RAB6A: variants seen among roughly 807,000 people sequenced by gnomAD.
RAB6A encodes ras-related protein Rab-6A.
In RAB6A, 8 loss-of-function variants were observed where a neutral mutation model predicts 32.3. That is an observed-to-expected ratio of 0.25 (90% CI 0.15 to 0.45). RAB6A has a LOEUF of 0.45. Ranked by LOEUF, RAB6A falls within the 20% of genes least tolerant of loss-of-function variation. The probability of loss-of-function intolerance (pLI) is 1.00; values close to 1 mark genes in which losing one functional copy is unlikely to be tolerated. For synonymous variants in RAB6A, 73 were observed against 82.1 expected (o/e 0.89, Z 0.60); for missense variants, 104 against 249.4 (o/e 0.42, Z 3.93).
In RAB6A at chr11:73,679,725, G is replaced by A. The variant is rs778174762; in HGVS notation, c.496-5C>T. ...TGCTGCTACACGTCGAAAGAGCTGT[G>A]GGAAAGAGAGAAAAGTGATAACTGA... On this transcript the variant is annotated splice_polypyrimidine_tract_variant and splice_region_variant and intron_variant, in intron 6 of 7. Transcript: ENST00000336083. 1.3e-6 allele frequency: 2 copies of A among 1,574,492 alleles called. No homozygotes were observed. The highest frequency in any genetic ancestry group is 1.7e-6 in the Non-Finnish European group (2 of 1,157,250).
At chr11:73,745,459 C>T (rs4944865) in intron 1 of RAB6A, among the ~76,000 whole-genome samples, 138,502 of 152,214 alleles carry the variant, frequency 0.91, 63,235 homozygotes, top group East Asian at 1. Flanking sequence ...GAAATAGAGA[C>T]ACAGGCCGGG....
chr11:73,683,223 T>C (rs1436413259), intron 6 of RAB6A, among the ~76,000 whole-genome samples: 2 of 151,252 alleles, frequency 1.3e-5, no homozygotes, highest in Non-Finnish European at 2.9e-5. Flanking sequence ...ATACAGAAAT[T>C]CACTGCATAA....
chr11:73,747,207 C>T (rs1052287847), intron 1 of RAB6A, among the ~76,000 whole-genome samples: 17 of 143,284 alleles, frequency 1.2e-4, no homozygotes, highest in African/African-American at 4.2e-4. Flanking sequence ...ACAAAATCTT[C>T]CTTTTTTTTT....
At chr11:73,745,360 A>C (rs1946570796) in intron 1 of RAB6A, among the ~76,000 whole-genome samples, 1 of 152,236 alleles carries the variant, frequency 6.6e-6, no homozygotes, top group South Asian at 2.1e-4. Context: ...TAGGCAGTTA[A>C]TGTGGTCCAG....
At chr11:73,722,521 G>A (rs1185955143) in intron 2 of RAB6A, 1 of 150,648 alleles carries the variant, frequency 6.6e-6, no homozygotes, top group African/African-American at 2.4e-5. Context: ...TTTTTATAGA[G>A]ACAGGGTTTT....
At chr11:73,745,676 T>C (rs540957956) in intron 1 of RAB6A, among the ~76,000 whole-genome samples, 131 of 151,866 alleles carry the variant, frequency 8.6e-4, no homozygotes, top group African/African-American at 3.0e-3. Context: ...ACTAAAAATA[T>C]AAAAACTTAG....
At chr11:73,720,823 T>C in intron 3 of RAB6A, 23 bp downstream of exon 3, 2 of 1,578,398 alleles carry the variant, frequency 1.3e-6, no homozygotes, top group Non-Finnish European at 1.7e-6. Flanking sequence ...TGCAGAAAAT[T>C]GCACACTGAA....
intron 6 of RAB6A, among the ~76,000 whole-genome samples, chr11:73,693,166 T>C (rs1402721803): frequency 1.3e-5 from 2 of 152,060 alleles, no homozygotes; most frequent in East Asian, 3.9e-4. Flanking sequence ...CACACGCCTG[T>C]AATCCCAGCT....
intron 1 of RAB6A, among the ~76,000 whole-genome samples, chr11:73,757,574 T>C (rs528767492): frequency 6.6e-6 from 1 of 152,282 alleles, no homozygotes; most frequent in Non-Finnish European, 1.5e-5. Flanking sequence ...GTTACATTAA[T>C]AGCAAATAAT....
At chr11:73,714,207 A>ATAT (rs56359106) in intron 5 of RAB6A, among the ~76,000 whole-genome samples, 1,684 of 70,640 alleles carry the variant, frequency 0.024, 15 homozygotes, top group Middle Eastern at 0.044. Flanking sequence ...AAAAAAAAAA[A>ATAT]AAATATATAT....
intron 6 of RAB6A, among the ~76,000 whole-genome samples, chr11:73,693,465 T>A (rs1945608354): frequency 6.6e-6 from 1 of 151,452 alleles, no homozygotes; most frequent in African/African-American, 2.4e-5. Flanking sequence ...GGCTCACGCC[T>A]GCAATCCCAG....
intron 6 of RAB6A, among the ~76,000 whole-genome samples, chr11:73,689,036 G>C (rs1255875997): frequency 6.6e-6 from 1 of 151,990 alleles, no homozygotes; most frequent in Non-Finnish European, 1.5e-5. Flanking sequence ...GGTGGGAAGA[G>C]CATTTGAGCC....
At chr11:73,720,785 T>C (rs1433526920) in intron 3 of RAB6A, 61 bp downstream of exon 3, 14 of 1,247,582 alleles carry the variant, frequency 1.1e-5, no homozygotes, top group Non-Finnish European at 1.6e-5. Flanking sequence ...ATTGATAACT[T>C]TGATTGCAGT....
chr11:73,743,208 G>C (rs1946527327), intron 1 of RAB6A, among the ~76,000 whole-genome samples: 2 of 151,710 alleles, frequency 1.3e-5, no homozygotes, highest in South Asian at 4.2e-4. Flanking sequence ...CAGAGGCTGA[G>C]GCAGGAGAAC....
chr11:73,714,646 T>C (rs1207400231), intron 5 of RAB6A, among the ~76,000 whole-genome samples: 1 of 149,768 alleles, frequency 6.7e-6, no homozygotes, highest in Non-Finnish European at 1.5e-5. Flanking sequence ...CAGGTGACAA[T>C]GCGAGACTCC....
Position 73,730,838 on chromosome 11 carries a change from A to G in RAB6A, c.71-15T>C. On this transcript the variant is annotated splice_polypyrimidine_tract_variant and intron_variant, in intron 1 of 7. Transcript: ENST00000336083. ...TGTCTTTCCAACTGAAATGAAACGA[A>G]AAAAAGATTTGCTCAGTGAACACAT... 2 of 1,592,410 alleles carry G rather than the reference A, an allele frequency of 1.3e-6. No individual in the cohort carries two copies. The highest frequency in any genetic ancestry group is 1.7e-6 in the Non-Finnish European group (2 of 1,173,748).
intron 6 of RAB6A, among the ~76,000 whole-genome samples, chr11:73,691,018 C>T (rs1310465483): frequency 5.4e-5 from 3 of 55,324 alleles, no homozygotes; most frequent in Non-Finnish European, 6.8e-5. Context: ...CGGGGTTTTT[C>T]GGGGGTGGGG....
At position 73,725,667 on chromosome 11, in the gene RAB6A, A is replaced by G. The variant is rs1356921700; in HGVS notation, c.130-4768T>C. Among the ~76,000 whole-genome samples the G allele has an allele frequency of 2.0e-4, 30 of 152,180 alleles. 1 individual carries two copies. Among genetic ancestry groups the G allele is most frequent in the Admixed American group, 2.0e-3 (30 of 15,270 alleles). ...AACAGTATGTGGGAAACCACCCCCAATGATTCAATTATCTTCCACTGGATC... is the reference window on the plus strand; with the variant it reads ...AACAGTATGTGGGAAACCACCCCCAGTGATTCAATTATCTTCCACTGGATC... On this transcript the variant is annotated intron_variant, in intron 2 of 7. Coordinates refer to ENST00000336083, the MANE Select transcript of RAB6A (RefSeq NM_198896.2).
At chr11:73,724,252 A>G (rs990546012) in intron 2 of RAB6A, among the ~76,000 whole-genome samples, 1 of 152,228 alleles carries the variant, frequency 6.6e-6, no homozygotes, top group Non-Finnish European at 1.5e-5. Context: ...CTTCCATGAC[A>G]AAAACATTCA....
Sources: gnomAD v4.1 joint callset for allele counts (sites outside exome capture counted in the v4.1 genomes callset) on GRCh38, gnomAD v4.1.1 for gene constraint, MANE v1.5 for transcripts, NCBI Gene and HGNC (gene_info 2026-07-23, HGNC 2026-07-21) for gene names.